The following SOX5 variants were observed in gnomAD, a reference collection of about 807,000 sequenced individuals.
SOX5 encodes SRY-box transcription factor 5.
Under a neutral mutation model 92.0 loss-of-function variants are expected in SOX5, and 9 were observed. The ratio of observed to expected loss-of-function variants is 0.10; its 90% confidence interval spans 0.06 to 0.17. The LOEUF (loss-of-function observed/expected upper bound fraction) is 0.17, where lower values mean the gene tolerates loss of function less well. SOX5 is among the 10% of genes least tolerant of loss of function. The pLI is 1.00. For missense variants in SOX5, 642 were observed against 944.5 expected (o/e 0.68, Z 4.20); for synonymous variants, 344 against 336.3 (o/e 1.02, Z -0.25).
At chr12:24,234,801 G>A (rs765392581) in intron 3 of SOX5, among the ~76,000 whole-genome samples, 4 of 152,098 alleles carry the variant, frequency 2.6e-5, no homozygotes, top group Non-Finnish European at 5.9e-5. Flanking sequence ...ATTAGGGGTC[G>A]ATTTTGCCCC....
intron 3 of SOX5, among the ~76,000 whole-genome samples, chr12:23,814,803 A>G (rs887945717): frequency 6.6e-6 from 1 of 152,188 alleles, no homozygotes; most frequent in African/African-American, 2.4e-5. Context: ...ATATAGGAAA[A>G]GGTAGAAAAA....
At position 23,577,243 on chromosome 12, in the gene SOX5, G is replaced by A. The variant is rs543073258; in HGVS notation, c.1165-1405C>T. On this transcript the variant is annotated intron_variant, in intron 9 of 14. Coordinates refer to ENST00000451604, the MANE Select transcript of SOX5 (RefSeq NM_006940.6). ...GGAGTCTTGCTCTGTTGCCCAGGCT[G>A]GAGTGCAGTGGTGCAATCTCGGCTC... Among the ~76,000 whole-genome samples, 16 of 133,694 alleles carry A rather than the reference G, an allele frequency of 1.2e-4. No individual in the cohort carries two copies. In the East Asian group the frequency reaches 3.2e-3, roughly 27 times the overall value. 87.7% of individuals were successfully genotyped at this position (133,694 alleles called of 152,430 possible).
upstream of SOX5, chr12:23,950,977 G>GCA (rs35800209): frequency 0.025 from 15,592 of 617,072 alleles, 386 homozygotes; most frequent in African/African-American, 0.13. Context: ...ACACACGCAT[G>GCA]CACACACACA....
At chr12:24,467,902 C>G (rs1944397638) in intron 1 of SOX5, among the ~76,000 whole-genome samples, 1 of 152,214 alleles carries the variant, frequency 6.6e-6, no homozygotes, top group African/African-American at 2.4e-5. Flanking sequence ...TGGGCTACTT[C>G]ATGGCTGTCT....
chr12:23,758,413 CCTAA>C (rs1459429391), intron 3 of SOX5, among the ~76,000 whole-genome samples: 1 of 149,382 alleles, frequency 6.7e-6, no homozygotes, highest in Non-Finnish European at 1.5e-5. Flanking sequence ...CCTACACATT[CCTAA>C]CTCTCTTATC....
intron 2 of SOX5, among the ~76,000 whole-genome samples, chr12:24,363,620 T>C (rs955629139): frequency 2.6e-5 from 4 of 151,934 alleles, no homozygotes; most frequent in African/African-American, 9.7e-5. Context: ...GGAATAATCA[T>C]AAATCATTTA....
intron 4 of SOX5, among the ~76,000 whole-genome samples, chr12:23,993,908 T>TGC (rs1284168310): frequency 1.5e-4 from 20 of 132,386 alleles, no homozygotes; most frequent in Non-Finnish European, 2.6e-4. Flanking sequence ...TGTATGTATG[T>TGC]ATGTATGCAT....
rs1415492352 is a variant in SOX5 at position 23,532,193 on chromosome 12, A to G, written c.*2026T>C. On this transcript the variant is annotated 3_prime_UTR_variant, in exon 15 of 15. Transcript: ENST00000451604. ...TTCAAATGTAAATAAAGTCATCAAA[A>G]ACAAACAAACAGAAAAACAAACAAA... 6.6e-6 allele frequency: 1 copy of G among 151,958 alleles called. No homozygotes were observed. The highest frequency in any genetic ancestry group is 2.4e-5 in the African/African-American group (1 of 41,406). The allele number at this position is 151,958 out of a possible 1,614,324, so 9.4% of individuals were successfully genotyped here. A position where few individuals can be genotyped will look rare whatever the true frequency, so the allele number is the denominator to read the frequency against.
At chr12:23,832,427 G>A (rs2096342883) in intron 3 of SOX5, among the ~76,000 whole-genome samples, 1 of 151,892 alleles carries the variant, frequency 6.6e-6, no homozygotes, top group African/African-American at 2.4e-5. Context: ...TGAATCCGGT[G>A]TTTCGGTATA....
intron 4 of SOX5, among the ~76,000 whole-genome samples, chr12:24,171,254 C>A (rs968938067): frequency 1.6e-5 from 2 of 123,236 alleles, no homozygotes; most frequent in Non-Finnish European, 3.2e-5. Flanking sequence ...GACAGAGTCT[C>A]GCTCTGTCAC....
intron 6 of SOX5, among the ~76,000 whole-genome samples, chr12:23,691,739 G>C (rs2088854521): frequency 6.6e-6 from 1 of 151,926 alleles, no homozygotes; most frequent in South Asian, 2.1e-4. Context: ...TGTATTATGT[G>C]TGTCTTTATT....
chr12:23,788,465 A>ATTT (rs952260863), intron 3 of SOX5, among the ~76,000 whole-genome samples: 1 of 150,756 alleles, frequency 6.6e-6, no homozygotes, highest in Non-Finnish European at 1.5e-5. Flanking sequence ...TTGTAATAGC[A>ATTT]TTTTTTTTTA....
intron 6 of SOX5, among the ~76,000 whole-genome samples, chr12:23,683,979 A>G (rs571063996): frequency 3.2e-4 from 49 of 152,132 alleles, no homozygotes; most frequent in Admixed American, 2.8e-3. Flanking sequence ...GGAAAGACAG[A>G]TGTCGAGAGA....
At chr12:23,770,050 T>TC (rs1192992673) in intron 3 of SOX5, among the ~76,000 whole-genome samples, 1 of 145,456 alleles carries the variant, frequency 6.9e-6, no homozygotes, top group East Asian at 2.0e-4. Context: ...CTCCCTCTGT[T>TC]TTTTTTTTTT....
intron 3 of SOX5, among the ~76,000 whole-genome samples, chr12:23,839,251 ATAC>A (rs2096481764): frequency 6.6e-6 from 1 of 152,156 alleles, no homozygotes; most frequent in African/African-American, 2.4e-5. Flanking sequence ...TTGGCATGTC[ATAC>A]ACTTCCAAAT....
At chr12:24,260,534 A>G (rs1941936357) in intron 3 of SOX5, among the ~76,000 whole-genome samples, 1 of 152,222 alleles carries the variant, frequency 6.6e-6, no homozygotes. Context: ...TGAGTATAGT[A>G]CAGGGGAAGA....
At chr12:24,293,586 T>TA (rs148172995) in intron 2 of SOX5, among the ~76,000 whole-genome samples, 3,645 of 150,846 alleles carry the variant, frequency 0.024, 149 homozygotes, top group African/African-American at 0.084. Context: ...ATGCAGTTTA[T>TA]AAAAAAAAAG....
intron 3 of SOX5, among the ~76,000 whole-genome samples, chr12:23,840,109 G>T (rs1387006653): frequency 6.6e-6 from 1 of 151,804 alleles, no homozygotes; most frequent in Non-Finnish European, 1.5e-5. Flanking sequence ...AAAACTACTA[G>T]AGCTAATAGT....
At chr12:23,796,685 A>G (rs2142059858) in intron 3 of SOX5, among the ~76,000 whole-genome samples, 1 of 151,990 alleles carries the variant, frequency 6.6e-6, no homozygotes, top group Non-Finnish European at 1.5e-5. Flanking sequence ...CTGCAAAATT[A>G]TAGGGTTTTA....
Sources: allele counts gnomAD v4.1 joint callset (sites outside exome capture counted in the v4.1 genomes callset), GRCh38; gene constraint gnomAD v4.1.1; transcripts MANE v1.5; gene names NCBI Gene and HGNC (gene_info 2026-07-23, HGNC 2026-07-21).